XPR1: variants seen among roughly 807,000 people sequenced by gnomAD.
The protein encoded by XPR1 is xenotropic and polytropic retrovirus receptor 1, also known as solute carrier family 53 member 1.
Under a neutral mutation model 87.5 loss-of-function variants are expected in XPR1, and 28 were observed. The observed-to-expected ratio is 0.32, with a 90% confidence interval of 0.24 to 0.44. XPR1 has a LOEUF of 0.44. Among genes scored for constraint, XPR1 ranks in the 20% least tolerant of loss-of-function variants. XPR1 has a pLI of 1.00. For missense variants in XPR1, 559 were observed against 862.3 expected (o/e 0.65, Z 4.41); for synonymous variants, 300 against 306.1 (o/e 0.98, Z 0.21).
chr1:180,791,907 T>G (rs113975312), intron 3 of XPR1, among the ~76,000 whole-genome samples: 1 of 152,194 alleles, frequency 6.6e-6, no homozygotes, highest in African/African-American at 2.4e-5. Flanking sequence ...TATTAAAAAT[T>G]TTGGTGCTGT....
chr1:180,804,838 G>T (rs967664309), intron 4 of XPR1, among the ~76,000 whole-genome samples: 1 of 151,834 alleles, frequency 6.6e-6, no homozygotes, highest in Non-Finnish European at 1.5e-5. Context: ...TTTGTTCATC[G>T]CTTTATAATT....
At chr1:180,882,967 G>GT (rs1156645233) in intron 14 of XPR1, among the ~76,000 whole-genome samples, 1 of 150,636 alleles carries the variant, frequency 6.6e-6, no homozygotes, top group African/African-American at 2.5e-5. Context: ...TTGGGGGTTG[G>GT]TTGTTTTTTT....
chr1:180,802,971 G>A (rs1649849158), intron 3 of XPR1, among the ~76,000 whole-genome samples: 1 of 152,092 alleles, frequency 6.6e-6, no homozygotes, highest in South Asian at 2.1e-4. Context: ...CCACTTTCTG[G>A]CTATTATAAA....
intron 1 of XPR1, among the ~76,000 whole-genome samples, chr1:180,672,617 A>T (rs879773728): frequency 6.6e-6 from 1 of 152,180 alleles, no homozygotes; most frequent in Non-Finnish European, 1.5e-5. Flanking sequence ...TAATTTTTAG[A>T]TGATGAGACA....
At chr1:180,791,474 A>G (rs1381037693) in intron 3 of XPR1, among the ~76,000 whole-genome samples, 3 of 152,084 alleles carry the variant, frequency 2.0e-5, no homozygotes, top group African/African-American at 7.2e-5. Flanking sequence ...ATGGGGTTTC[A>G]CCATGTTGGC....
chr1:180,800,188 G>C (rs1461800521), intron 3 of XPR1, among the ~76,000 whole-genome samples: 1 of 152,152 alleles, frequency 6.6e-6, no homozygotes, highest in Non-Finnish European at 1.5e-5. Flanking sequence ...ATGAATCTGT[G>C]GACCAGCTGG....
chr1:180,704,278 T>TATATATATATATATA (rs1192955477), intron 2 of XPR1, among the ~76,000 whole-genome samples: 34 of 31,920 alleles, frequency 1.1e-3, no homozygotes, highest in Non-Finnish European at 1.4e-3. Context: ...ATATATATAT[T>TATATATATATATATA]ATCAGATTAT....
chr1:180,638,708 T>C (rs556539701), intron 1 of XPR1, among the ~76,000 whole-genome samples: 31 of 152,326 alleles, frequency 2.0e-4, no homozygotes, highest in Admixed American at 5.9e-4. Context: ...TTTGGTTTTG[T>C]ATTTCAGTCA....
At chr1:180,663,232 C>T (rs1655837535) in intron 1 of XPR1, among the ~76,000 whole-genome samples, 1 of 152,196 alleles carries the variant, frequency 6.6e-6, no homozygotes, top group Admixed American at 6.5e-5. Context: ...TTATTGTAGT[C>T]TTTGCAATCT....
At chr1:180,685,970 T>C (rs1035783102) in intron 2 of XPR1, among the ~76,000 whole-genome samples, 6 of 152,310 alleles carry the variant, frequency 3.9e-5, no homozygotes, top group Non-Finnish European at 7.3e-5. Context: ...GAAGGGTTTT[T>C]TTTGTCTCTA....
chr1:180,751,090 T>A (rs995589757), intron 2 of XPR1, among the ~76,000 whole-genome samples: 8 of 152,022 alleles, frequency 5.3e-5, no homozygotes, highest in Non-Finnish European at 7.4e-5. Context: ...TACAGTTGAG[T>A]TTTGGATATT....
At chr1:180,780,149 A>T (rs1055413160) in intron 2 of XPR1, among the ~76,000 whole-genome samples, 2 of 152,146 alleles carry the variant, frequency 1.3e-5, no homozygotes, top group Non-Finnish European at 2.9e-5. Context: ...CTGTGAACAT[A>T]TGTTTTTACT....
rs60025954 is a variant in XPR1 at position 180,681,368 on chromosome 1, G to A, written c.70-992G>A. ...TGGATTAAAAATAAAATTTCTGGCCGGGTGCAGTGGCTCACGCCTGTAATC... is the reference window on the plus strand; with the variant it reads ...TGGATTAAAAATAAAATTTCTGGCCAGGTGCAGTGGCTCACGCCTGTAATC... On this transcript the variant is annotated intron_variant, in intron 1 of 14. Coordinates refer to ENST00000367590, the MANE Select transcript of XPR1 (RefSeq NM_004736.4). Among the ~76,000 whole-genome samples, 1,275 of 152,282 alleles carry A rather than the reference G, an allele frequency of 8.4e-3. 17 individuals carry two copies. The highest frequency in any genetic ancestry group is 0.028 in the African/African-American group (1,171 of 41,560).
chr1:180,684,469 G>C (rs1319137041), intron 2 of XPR1, among the ~76,000 whole-genome samples: 4 of 152,050 alleles, frequency 2.6e-5, no homozygotes, highest in Non-Finnish European at 5.9e-5. Flanking sequence ...TTGGCGATGC[G>C]GGCTCTTTTT....
chr1:180,819,526 T>G (rs1375749042), intron 7 of XPR1, among the ~76,000 whole-genome samples: 3 of 152,202 alleles, frequency 2.0e-5, no homozygotes, highest in Non-Finnish European at 4.4e-5. Flanking sequence ...TTTATAAATA[T>G]GGATTACATT....
At chr1:180,883,922 A>C in intron 14 of XPR1, 84 bp from the exon 15 acceptor site, 1 of 1,223,386 alleles carries the variant, frequency 8.2e-7, no homozygotes, top group Non-Finnish European at 1.2e-6. Context: ...AATGATGGTA[A>C]GACTGGAAAT....
At chr1:180,877,913 T>A (rs572748241) in intron 13 of XPR1, 41 of 152,296 alleles carry the variant, frequency 2.7e-4, no homozygotes, top group African/African-American at 9.9e-4. Context: ...TAAAGATATT[T>A]TCAGATAGGT....
At chr1:180,669,649 A>G (rs1294176661) in intron 1 of XPR1, among the ~76,000 whole-genome samples, 3 of 152,184 alleles carry the variant, frequency 2.0e-5, no homozygotes, top group African/African-American at 4.8e-5. Flanking sequence ...GATGTGAGCC[A>G]CTGCGTATAA....
At chr1:180,696,214 A>G (rs61809337) in intron 2 of XPR1, among the ~76,000 whole-genome samples, 4,804 of 117,414 alleles carry the variant, frequency 0.041, 96 homozygotes, top group Non-Finnish European at 0.064. Context: ...GTGTGTATAT[A>G]TATATATATA....
Sources: allele counts gnomAD v4.1 joint callset (sites outside exome capture counted in the v4.1 genomes callset), GRCh38; gene constraint gnomAD v4.1.1; transcripts MANE v1.5; gene names NCBI Gene and HGNC (gene_info 2026-07-23, HGNC 2026-07-21).